PLEC: variants seen among roughly 807,000 people sequenced by gnomAD.
PLEC encodes the protein hemidesmosomal protein 1.
A neutral mutation model predicts 392.8 loss-of-function variants in PLEC; 216 were observed. That is an observed-to-expected ratio of 0.55 (90% CI 0.49 to 0.62). PLEC has a LOEUF of 0.62. Ranked by LOEUF, PLEC falls within the 20% of genes least tolerant of loss-of-function variation. PLEC has a pLI of 0.00. For synonymous variants in PLEC, 3,621 were observed against 2,980.6 expected (o/e 1.21, Z -7.00); for missense variants, 6,863 against 6,563.4 (o/e 1.05, Z -1.58).
At position 143,925,089 on chromosome 8, in the gene PLEC, C is replaced by A. The variant is rs1056417199; in HGVS notation, c.4840G>T (p.Ala1614Ser). The A allele has an allele frequency of 1.3e-6, 2 of 1,544,708 alleles. No individual in the cohort carries two copies. The highest frequency in any genetic ancestry group is 1.9e-5 in the Admixed American group (1 of 52,424). Residue 1614 changes from alanine (A) to serine (S), a missense_variant, in exon 31 of 32, where the codon GCA (alanine) becomes TCA (serine). Ala to Ser is a moderately conservative substitution (Grantham distance 99). Transcript: ENST00000345136. ...AQLREEAERR[A>S]QQQAEAERAR... ...CGCTCGGCCTCGGCCTGCTGCTGTG[C>A]CCGCCGCTCAGCCTCCTCCCGCAGC...
At position 143,933,085 on chromosome 8, in the gene PLEC, A is replaced by G; in HGVS notation, c.1445T>C (p.Val482Ala). The change falls in exon 14 of 32, where the codon GTA becomes GCA. Residue 482 changes from valine to alanine, a missense_variant. Transcript: ENST00000345136. ...RRVYRLHERL[V>A]AIRTEYNLRL... ...TAGGTTGTACTCGGTGCGGATGGCT[A>G]CCAGGCGCTCGTGCAGACGGTACAC... The G allele has an allele frequency of 6.3e-7, 1 of 1,590,438 alleles. No homozygotes were observed. The highest frequency in any genetic ancestry group is 1.1e-5 in the South Asian group (1 of 88,678).
At chr8:143,957,071 G>T (rs1251215964), upstream of PLEC, among the ~76,000 whole-genome samples, 10 of 152,180 alleles carry the variant, frequency 6.6e-5, no homozygotes, top group African/African-American at 1.4e-4. Flanking sequence ...GCCGGGAGGG[G>T]GGCGCCTGGA....
intron 25 of PLEC, among the ~76,000 whole-genome samples, chr8:143,928,314 C>A (rs1554709460): frequency 6.6e-6 from 1 of 152,264 alleles, no homozygotes; most frequent in African/African-American, 2.4e-5. Context: ...CCCACAGGGC[C>A]TGGAAGCGTA....
At chr8:143,933,745 C>T (rs1234986941) in intron 12 of PLEC, among the ~76,000 whole-genome samples, 2 of 152,196 alleles carry the variant, frequency 1.3e-5, no homozygotes, top group Non-Finnish European at 2.9e-5. Context: ...GGGGGCCTGG[C>T]GGGGGCAAGG....
chr8:143,950,506 C>T lies in PLEC; in HGVS notation c.201G>A (p.Trp67Ter). The stretch of plus-strand genomic sequence containing the variant: ...TGGTGAGGTACCAGTAAAAGTGGCA[C>T]CAGGCAAAGGTCTCGCGGACCAGGC... The change falls in exon 1 of 32, where the codon TGG becomes TGA. Residue 67 changes from tryptophan to a stop codon, truncating the protein, a stop_gained. Transcript: ENST00000322810. LOFTEE classifies it high-confidence loss of function. The T allele has an allele frequency of 6.2e-7, 1 of 1,608,480 alleles. No individual in the cohort carries two copies. The highest frequency in any genetic ancestry group is 8.5e-7 in the Non-Finnish European group (1 of 1,178,364).
At chr8:143,966,869 G>A (rs1482576184) in intron 1 of PLEC, among the ~76,000 whole-genome samples, 1 of 152,016 alleles carries the variant, frequency 6.6e-6, no homozygotes, top group South Asian at 2.1e-4. Context: ...GCATGACATC[G>A]AGCCTCCTTG....
rs782677865 is a variant in PLEC, at chr8:143,939,474, C to T, written c.-13G>A. 20 of 1,606,290 alleles carry T rather than the reference C, an allele frequency of 1.2e-5. No individual in the cohort carries two copies. The South Asian group carries it at 2.1e-4, about 17-fold the overall frequency. ...GGTGCTGAGACATGCTGCCCCCACA[C>T]CTTCGTCGCCCGGACCCTCGGCCTC... On this transcript the variant is annotated 5_prime_UTR_variant, in exon 1 of 32. In the 5' UTR this introduces an upstream ATG that the reference lacks. Transcript: ENST00000345136.
Position 143,924,912 on chromosome 8 carries a change from C to A in PLEC, c.5017G>T (p.Ala1673Ser). Residue 1673 changes from alanine to serine, a missense_variant, in exon 31 of 32, where the codon GCG becomes TCG. Coordinates refer to ENST00000345136, the MANE Select transcript of PLEC (RefSeq NM_201384.3). ...TCCTCCGCCTTGCCGCGCCGCCGCG[C>A]CTCGCGCTCCGCCTCCTCCTTCTGC... Reference protein sequence around the residue: ...EKQKEEAEREARRRGKAEEQA... With the variant: ...EKQKEEAERESRRRGKAEEQA... 6.3e-7 allele frequency: 1 copy of A among 1,585,682 alleles called. No homozygotes were observed. The highest frequency in any genetic ancestry group is 1.1e-5 in the South Asian group (1 of 89,026).
chr8:143,928,243 C>G (rs536248111), intron 25 of PLEC, among the ~76,000 whole-genome samples: 11 of 152,244 alleles, frequency 7.2e-5, no homozygotes, highest in African/African-American at 2.7e-4. Flanking sequence ...CCAGGAACGG[C>G]AGACCCCAAG....
Position 143,927,759 on chromosome 8 carries a change from C to T in PLEC, c.3407G>A (p.Arg1136Gln), listed in dbSNP as rs782508056. Reference protein sequence around the residue: ...EATKASLKKLRAQAEAQQPTF... With the variant: ...EATKASLKKLQAQAEAQQPTF... The stretch of plus-strand genomic sequence containing the variant: ...GGGCTGCTGTGCCTCGGCCTGGGCC[C>T]GCAGCTTCTGTTGGGGACAGGAGGG... Residue 1136 changes from arginine to glutamine, a missense_variant, in exon 27 of 32, where the codon CGG (arginine) becomes CAG (glutamine). Physicochemically the swap from Arg to Gln is conservative, Grantham distance 43. Coordinates refer to ENST00000345136, the MANE Select transcript of PLEC (RefSeq NM_201384.3). 1.3e-5 allele frequency: 21 copies of T among 1,600,230 alleles called. No individual in the cohort carries two copies. In the South Asian group the frequency reaches 1.3e-4, roughly 10 times the overall value.
rs782286919 is a variant in PLEC, at chr8:143,934,445, C to T, written c.1042G>A (p.Gly348Arg). The T allele has an allele frequency of 8.7e-6, 14 of 1,611,184 alleles. No individual in the cohort carries two copies. Among genetic ancestry groups the T allele is most frequent in the East Asian group, 2.2e-5 (1 of 44,876 alleles). The change falls in exon 11 of 32, where the codon GGA becomes AGA. Residue 348 changes from glycine (G) to arginine (R), a missense_variant and splice_region_variant. Transcript: ENST00000345136. ...RSKGIYQSLE[G>R]AVQAGQLKVP... ...TTGAGCTGGCCTGCTTGCACCGCTC[C>T]CTGTAGACAGGGGCCACACTCAGGC... is the stretch of plus-strand genomic sequence containing the variant.
At chr8:143,926,019 CGGA>C (rs1303882023) in intron 30 of PLEC, 135 bp from the exon 31 acceptor site, 11 of 1,034,172 alleles carry the variant, frequency 1.1e-5, no homozygotes, top group Admixed American at 6.0e-5. Context: ...CCCAGCCCGG[CGGA>C]GGAGACAGCG....
chr8:143,924,866 T>C lies in PLEC; in HGVS notation c.5063A>G (p.Glu1688Gly), dbSNP rs1038571028. Residue 1688 changes from glutamate (E) to glycine (G), a missense_variant, in exon 31 of 32, where the codon GAG becomes GGG. Glu to Gly is a moderately conservative substitution (Grantham distance 98, BLOSUM62 -2). Coordinates refer to ENST00000345136, the MANE Select transcript of PLEC (RefSeq NM_201384.3). Reference sequence around the variant, plus strand: ...CTTCTCCAGCTCTTGTTCAGCCAGCTCCCGCTGCCGGACGGCCTGCTCCTC... The same window carrying C: ...CTTCTCCAGCTCTTGTTCAGCCAGCCCCCGCTGCCGGACGGCCTGCTCCTC... ...KAEEQAVRQR[E>G]LAEQELEKQR... 20 of 1,587,714 alleles carry C rather than the reference T, an allele frequency of 1.3e-5. No homozygotes were observed. The highest frequency in any genetic ancestry group is 1.7e-5 in the Non-Finnish European group (20 of 1,174,672).
chr8:143,926,120 G>A (rs1554704988), intron 30 of PLEC, among the ~76,000 whole-genome samples: 1 of 152,252 alleles, frequency 6.6e-6, no homozygotes, highest in Admixed American at 6.5e-5. Context: ...CGTCCTCCCT[G>A]CTTCCCGCAG....
Position 143,933,267 on chromosome 8 carries a change from G to A in PLEC, c.1348C>T (p.Arg450Trp), listed in dbSNP as rs1827952422. The change falls in exon 13 of 32, where the codon CGG becomes TGG. Residue 450 changes from arginine (R) to tryptophan (W), a missense_variant. By Grantham distance (101) the Arg-to-Trp change is moderately radical. Coordinates refer to ENST00000345136, the MANE Select transcript of PLEC (RefSeq NM_201384.3). The part of the protein sequence containing the change: ...RDLDKADSMI[R>W]LLFNDVQTLK... ...GTCTGCACGTCGTTGAAGAGCAGCC[G>A]GATCATGCTATCCGCCTTGTCCAAG... is the stretch of plus-strand genomic sequence containing the variant. 6.2e-6 allele frequency: 10 copies of A among 1,613,188 alleles called. No homozygotes were observed. Among genetic ancestry groups the A allele is most frequent in the South Asian group, 1.1e-5 (1 of 91,092 alleles).
In PLEC at chr8:143,934,662, C is replaced by A. The variant is rs1463116442; in HGVS notation, c.1014G>T (p.Arg338Ser). 5.0e-6 allele frequency: 8 copies of A among 1,613,134 alleles called. No homozygotes were observed. The highest frequency in any genetic ancestry group is 5.9e-6 in the Non-Finnish European group (7 of 1,179,948). ...ELPAKEADKNRSKGIYQSLEG... is the reference protein window; with the variant it reads ...ELPAKEADKNSSKGIYQSLEG... ...CCAGGGATTGGTAGATGCCCTTGGA[C>A]CTGTTCTTGTCGGCCTCCTTGGCTG... Residue 338 changes from arginine (R) to serine (S), a missense_variant, in exon 10 of 32, where the codon AGG becomes AGT. Transcript: ENST00000345136.
intron 18 of PLEC, 70 bp downstream of exon 18, chr8:143,931,867 G>C (rs1554715771): frequency 4.1e-6 from 6 of 1,458,386 alleles, no homozygotes; most frequent in Non-Finnish European, 5.7e-6. Context: ...GATTGGAGCT[G>C]CCGAGGGGGT....
At chr8:143,973,775 C>T (rs1334468537), upstream of PLEC, among the ~76,000 whole-genome samples, 1 of 151,672 alleles carries the variant, frequency 6.6e-6, no homozygotes, top group East Asian at 1.9e-4. This position sits in a 1 kb window ranked among gnomAD's most constrained non-coding sequence, Gnocchi z 5.6. Flanking sequence ...CCTCGGGTGG[C>T]CCCCGCCCAG....
rs782463041 is a variant in PLEC at position 143,937,186 on chromosome 8, C to T, written c.321G>A (p.Leu107=). ...FHKLQNVQIA[L]DYLRHRQVKL... is the part of the protein sequence containing the mutation. Reference sequence around the variant, plus strand: ...TTACCTGGCGGTGCCGGAGGTAGTCCAGGGCAATCTGGACATTCTGCAGCT... The same window carrying T: ...TTACCTGGCGGTGCCGGAGGTAGTCTAGGGCAATCTGGACATTCTGCAGCT... Residue 107 remains leucine, a synonymous_variant, in exon 4 of 32, where the codon CTG becomes CTA. Transcript: ENST00000345136. The T allele has an allele frequency of 6.2e-7, 1 of 1,612,738 alleles. No individual in the cohort carries two copies. Among genetic ancestry groups the T allele is most frequent in the Non-Finnish European group, 8.5e-7 (1 of 1,179,770 alleles).
Sources: allele counts gnomAD v4.1 joint callset (sites outside exome capture counted in the v4.1 genomes callset), GRCh38; gene constraint gnomAD v4.1.1; non-coding constraint Gnocchi (gnomAD v3.1); transcripts MANE v1.5; gene names NCBI Gene and HGNC (gene_info 2026-07-23, HGNC 2026-07-21).